Variants in KLHL3 observed in about 807,000 individuals in gnomAD.
The protein encoded by KLHL3 is kelch-like protein 3.
A neutral mutation model predicts 70.5 loss-of-function variants in KLHL3; 19 were observed. The ratio of observed to expected loss-of-function variants is 0.27; its 90% CI spans 0.19 to 0.40. The LOEUF (loss-of-function observed/expected upper bound fraction) is 0.40. KLHL3 is among the 10% of genes least tolerant of loss of function. The pLI is 1.00. For synonymous variants in KLHL3, 258 were observed against 290.3 expected (o/e 0.89, Z 1.13); for missense variants, 512 against 771.1 (o/e 0.66, Z 3.98).
chr5:137,628,561 C>T, intron 12 of KLHL3, 124 bp from the exon 13 acceptor site: 2 of 999,156 alleles, frequency 2.0e-6, no homozygotes, highest in South Asian at 3.2e-5. Flanking sequence ...CATTTTGTCT[C>T]CCTGGACCTC....
chr5:137,731,474 A>G lies in KLHL3; in HGVS notation c.14+4159T>C, dbSNP rs2149940220. Among the ~76,000 whole-genome samples, 3 of 152,276 alleles carry G rather than the reference A, an allele frequency of 2.0e-5. No individual in the cohort carries two copies. In the Middle Eastern group the frequency reaches 0.01, roughly 518 times the overall value. On this transcript the variant is annotated intron_variant, in intron 1 of 14. Coordinates refer to ENST00000309755, the MANE Select transcript of KLHL3 (RefSeq NM_017415.3). ...ATTCAACCTGACATTACAAAACTCA[A>G]CATTTAAAGTGTACTGGCTTTCTAA...
chr5:137,706,770 A>G (rs1407886175), intron 3 of KLHL3, among the ~76,000 whole-genome samples: 1 of 152,252 alleles, frequency 6.6e-6, no homozygotes, highest in Non-Finnish European at 1.5e-5. Context: ...TATTCATTAT[A>G]TATTGCTAAG....
rs371942118 is a variant in KLHL3, at chr5:137,705,654, C to T, written c.241+4096G>A. On this transcript the variant is annotated intron_variant, in intron 3 of 14. Transcript: ENST00000309755. Reference sequence around the variant, plus strand: ...AGTGTCTTTTAGCCATGATTATGGGCATAAGACCCTGAGCCCATATATTCT... The same window carrying T: ...AGTGTCTTTTAGCCATGATTATGGGTATAAGACCCTGAGCCCATATATTCT... 3.9e-5 allele frequency among the ~76,000 whole-genome samples: 6 copies of T among 152,292 alleles called. No homozygotes were observed. The East Asian group carries it at 9.6e-4, about 24-fold the overall frequency.
At chr5:137,729,628 T>A (rs1753140119) in intron 1 of KLHL3, among the ~76,000 whole-genome samples, 1 of 152,158 alleles carries the variant, frequency 6.6e-6, no homozygotes, top group African/African-American at 2.4e-5. Context: ...ACATGTTGAC[T>A]ATTGTATTTT....
At chr5:137,638,872 C>T in intron 10 of KLHL3, 81 bp downstream of exon 10, 1 of 1,370,234 alleles carries the variant, frequency 7.3e-7, no homozygotes, top group African/African-American at 1.4e-5. Context: ...GAAAGTTGGT[C>T]CAGAACTGGC....
chr5:137,678,799 A>C (rs1751950738), intron 5 of KLHL3, among the ~76,000 whole-genome samples: 1 of 151,900 alleles, frequency 6.6e-6, no homozygotes, highest in South Asian at 2.1e-4. Context: ...AGTTATAAAC[A>C]ATATTTTCCA....
chr5:137,717,678 C>A (rs1001099958), intron 2 of KLHL3, among the ~76,000 whole-genome samples: 1 of 152,076 alleles, frequency 6.6e-6, no homozygotes, highest in East Asian at 1.9e-4. Flanking sequence ...ACAATGGTTA[C>A]CACTATGTAA....
chr5:137,715,406 C>T (rs1752874526), intron 2 of KLHL3, among the ~76,000 whole-genome samples: 1 of 152,160 alleles, frequency 6.6e-6, no homozygotes, highest in African/African-American at 2.4e-5. Flanking sequence ...CCCAGGCCTC[C>T]ATAAGTATAC....
chr5:137,653,892 CAATGGAATGTTACT>C (rs1561592232), intron 8 of KLHL3, among the ~76,000 whole-genome samples: 1 of 152,170 alleles, frequency 6.6e-6, no homozygotes, highest in Non-Finnish European at 1.5e-5. Flanking sequence ...TCCATCCATA[CAATGGAATGTTACT>C]TAGTGATAAA....
chr5:137,680,825 T>C (rs2149909405), intron 5 of KLHL3, among the ~76,000 whole-genome samples: 1 of 152,302 alleles, frequency 6.6e-6, no homozygotes, highest in African/African-American at 2.4e-5. Flanking sequence ...ATTACAGGTG[T>C]GAGCCACTGC....
chr5:137,696,117 T>C (rs1752438990), intron 4 of KLHL3, among the ~76,000 whole-genome samples: 1 of 152,180 alleles, frequency 6.6e-6, no homozygotes, highest in South Asian at 2.1e-4. Flanking sequence ...CAGCAGAGGA[T>C]ATCCTGCCAC....
intron 8 of KLHL3, among the ~76,000 whole-genome samples, chr5:137,644,828 A>T (rs1751003761): frequency 6.6e-6 from 1 of 152,222 alleles, no homozygotes; most frequent in African/African-American, 2.4e-5. Context: ...AGCCAGGACT[A>T]CTCTAATACC....
At chr5:137,622,388 G>C (rs1243717727) in intron 14 of KLHL3, among the ~76,000 whole-genome samples, 2 of 152,218 alleles carry the variant, frequency 1.3e-5, no homozygotes, top group African/African-American at 4.8e-5. Flanking sequence ...TCATCACATG[G>C]ACTCACTGTG....
At chr5:137,690,066 G>A (rs747222244) in intron 5 of KLHL3, among the ~76,000 whole-genome samples, 3 of 152,214 alleles carry the variant, frequency 2.0e-5, no homozygotes, top group Non-Finnish European at 2.9e-5. Context: ...AGTGGCTTAC[G>A]CCTGTAATCC....
At chr5:137,683,212 A>G (rs916978865) in intron 5 of KLHL3, among the ~76,000 whole-genome samples, 1 of 152,112 alleles carries the variant, frequency 6.6e-6, no homozygotes, top group Non-Finnish European at 1.5e-5. Flanking sequence ...CCTCTTCTCC[A>G]TAATTTCCCA....
Position 137,658,119 on chromosome 5 carries a change from G to A in KLHL3, c.903+12C>T. The stretch of plus-strand genomic sequence containing the variant: ...AGTCCTGACTCTTGGTGGTGATTGG[G>A]CTGGGGCTTACCTTGGGAAGGCTGA... On this transcript the variant is annotated intron_variant, in intron 8 of 14. Transcript: ENST00000309755. 1 of 1,608,974 alleles carries A rather than the reference G, an allele frequency of 6.2e-7. No individual in the cohort carries two copies. The highest frequency in any genetic ancestry group is 8.5e-7 in the Non-Finnish European group (1 of 1,178,494).
chr5:137,658,684 G>A (rs539018082), intron 7 of KLHL3, among the ~76,000 whole-genome samples: 3 of 152,322 alleles, frequency 2.0e-5, no homozygotes, highest in African/African-American at 7.2e-5. Context: ...AGGGCAAACA[G>A]ACATCTGAGA....
intron 2 of KLHL3, among the ~76,000 whole-genome samples, chr5:137,715,706 T>G (rs1001714979): frequency 6.6e-6 from 1 of 152,196 alleles, no homozygotes; most frequent in Non-Finnish European, 1.5e-5. Context: ...TGTGCCAGGA[T>G]CTCACAACAA....
intron 1 of KLHL3, among the ~76,000 whole-genome samples, chr5:137,731,440 C>G (rs993813833): frequency 4.6e-5 from 7 of 152,188 alleles, no homozygotes; most frequent in African/African-American, 1.7e-4. Context: ...TTCCCTGGGT[C>G]TTGCCAGCAT....
Sources: gnomAD v4.1 joint callset for allele counts (sites outside exome capture counted in the v4.1 genomes callset) on GRCh38, gnomAD v4.1.1 for gene constraint, MANE v1.5 for transcripts, NCBI Gene and HGNC (gene_info 2026-07-23, HGNC 2026-07-21) for gene names.